DHX32: variants seen among roughly 807,000 people sequenced by gnomAD.
The protein encoded by DHX32 is putative pre-mRNA-splicing factor ATP-dependent RNA helicase DHX32.
A neutral mutation model predicts 70.0 loss-of-function variants in DHX32; 51 were observed. That is an observed-to-expected ratio of 0.73 (90% CI 0.58 to 0.92). The LOEUF (loss-of-function observed/expected upper bound fraction) is 0.92. Ranked by LOEUF, DHX32 falls within the 40% of genes least tolerant of loss-of-function variation. The pLI, the probability that DHX32 is intolerant of heterozygous loss-of-function variation, is 0.00. For missense variants in DHX32, 762 were observed against 891.8 expected, an observed-to-expected ratio of 0.85 and a Z score of 1.85; for synonymous variants, 310 against 315.3, an observed-to-expected ratio of 0.98 and a Z score of 0.18.
At chr10:125,839,490 C>CCCGTGG (rs1241265438) in intron 8 of DHX32, among the ~76,000 whole-genome samples, 1 of 152,222 alleles carries the variant, frequency 6.6e-6, no homozygotes, top group Admixed American at 6.5e-5. Flanking sequence ...ATTTCACTAA[C>CCCGTGG]CCGTGGCTCA....
At chr10:125,847,267 A>T (rs1054482786) in intron 6 of DHX32, among the ~76,000 whole-genome samples, 3 of 152,340 alleles carry the variant, frequency 2.0e-5, no homozygotes, top group African/African-American at 7.2e-5. Flanking sequence ...AGATACAGGG[A>T]TGAGAAACTA....
chr10:125,893,824 G>T (rs1712727843), intron 1 of DHX32, among the ~76,000 whole-genome samples: 2 of 152,208 alleles, frequency 1.3e-5, no homozygotes, highest in Non-Finnish European at 2.9e-5. Flanking sequence ...CCACAGTAAG[G>T]CTAGAAGACA....
At chr10:125,862,801 G>A (rs1944198094) in intron 2 of DHX32, among the ~76,000 whole-genome samples, 1 of 151,924 alleles carries the variant, frequency 6.6e-6, no homozygotes, top group Admixed American at 6.6e-5. Flanking sequence ...ATTACAGTGA[G>A]CTATGATCCC....
intron 6 of DHX32, chr10:125,842,205 G>T: frequency 2.6e-6 from 1 of 383,118 alleles, no homozygotes; most frequent in Non-Finnish European, 4.6e-6. Flanking sequence ...GAGCCTGCCA[G>T]CCTCCCTGCA....
chr10:125,860,978 T>A (rs2134055047), intron 2 of DHX32, among the ~76,000 whole-genome samples: 1 of 151,884 alleles, frequency 6.6e-6, no homozygotes, highest in South Asian at 2.1e-4. Flanking sequence ...GGTCTCGATC[T>A]CCTGACCTTG....
chr10:125,874,904 C>T (rs1023496031), intron 1 of DHX32, among the ~76,000 whole-genome samples: 1 of 152,064 alleles, frequency 6.6e-6, no homozygotes, highest in Non-Finnish European at 1.5e-5. Context: ...CATTTATTTC[C>T]TTGTTGTGTC....
chr10:125,839,241 A>G, intron 8 of DHX32, 53 bp from the exon 9 acceptor site: 1 of 1,581,450 alleles, frequency 6.3e-7, no homozygotes, highest in Non-Finnish European at 8.6e-7. Context: ...AGAAGCTCTG[A>G]AGAGCCCAGG....
At chr10:125,841,101 C>T (rs1379029586) in intron 7 of DHX32, 105 bp from the exon 8 acceptor site, 79 of 1,406,472 alleles carry the variant, frequency 5.6e-5, no homozygotes, top group Non-Finnish European at 7.3e-5. Flanking sequence ...TGGCTCCTGT[C>T]TTGGTACTCT....
At chr10:125,862,906 T>C (rs894816102) in intron 2 of DHX32, among the ~76,000 whole-genome samples, 12 of 151,964 alleles carry the variant, frequency 7.9e-5, no homozygotes, top group Non-Finnish European at 1.8e-4. Context: ...CACAAAGATA[T>C]GTTTCTGAAC....
At chr10:125,857,212 A>G (rs1345446090) in intron 3 of DHX32, among the ~76,000 whole-genome samples, 1 of 152,220 alleles carries the variant, frequency 6.6e-6, no homozygotes. Flanking sequence ...AAAATAGTAA[A>G]AAAGAAAAGT....
intron 1 of DHX32, among the ~76,000 whole-genome samples, chr10:125,867,735 CA>C (rs1255031059): frequency 0.033 from 1,836 of 56,460 alleles, 22 homozygotes; most frequent in African/African-American, 0.086. Flanking sequence ...GACTCCGTCT[CA>C]AAAAAAAAAA....
intron 1 of DHX32, among the ~76,000 whole-genome samples, chr10:125,876,708 T>C (rs7072359): frequency 0.3 from 46,174 of 152,040 alleles, 7,244 homozygotes; most frequent in East Asian, 0.41. Context: ...TCTTCAAAAA[T>C]GTCAAAGTCA....
At chr10:125,836,912 C>A in intron 10 of DHX32, 57 bp from the exon 11 acceptor site, 2 of 1,500,214 alleles carry the variant, frequency 1.3e-6, no homozygotes, top group South Asian at 1.2e-5. Flanking sequence ...TGAGAGACAC[C>A]AAACATTATG....
At chr10:125,839,247 C>T (rs1221162209) in intron 8 of DHX32, 59 bp from the exon 9 acceptor site, 6 of 1,551,428 alleles carry the variant, frequency 3.9e-6, no homozygotes, top group Non-Finnish European at 5.3e-6. Flanking sequence ...TCTGAAGAGC[C>T]CAGGCCAGGC....
chr10:125,872,063 T>C (rs971937956), intron 1 of DHX32, among the ~76,000 whole-genome samples: 27 of 152,162 alleles, frequency 1.8e-4, no homozygotes, highest in Admixed American at 3.3e-4. Flanking sequence ...GGTTTCTCCA[T>C]GCTGGTCAGG....
chr10:125,848,939 CA>C (rs1209372577), intron 6 of DHX32, among the ~76,000 whole-genome samples: 1 of 152,146 alleles, frequency 6.6e-6, no homozygotes, highest in Non-Finnish European at 1.5e-5. Flanking sequence ...AATAATACCC[CA>C]CTAGCAAATG....
chr10:125,881,817 T>C (rs1242493192), upstream of DHX32, among the ~76,000 whole-genome samples: 1 of 152,154 alleles, frequency 6.6e-6, no homozygotes, highest in East Asian at 1.9e-4. Flanking sequence ...AATTTCTGTA[T>C]TTTTTTGTAG....
intron 6 of DHX32, among the ~76,000 whole-genome samples, chr10:125,843,622 A>C (rs1854939858): frequency 6.6e-6 from 1 of 152,088 alleles, no homozygotes; most frequent in African/African-American, 2.4e-5. Context: ...AAAAAAAAAA[A>C]AACCTACTCA....
chr10:125,889,238 A>C (rs915251929), intron 1 of DHX32, among the ~76,000 whole-genome samples: 1 of 152,206 alleles, frequency 6.6e-6, no homozygotes, highest in Non-Finnish European at 1.5e-5. Context: ...GACTTCCTAA[A>C]GCCAAGATTA....
Sources: gnomAD v4.1 joint callset for allele counts (sites outside exome capture counted in the v4.1 genomes callset) on GRCh38, gnomAD v4.1.1 for gene constraint, MANE v1.5 for transcripts, NCBI Gene and HGNC (gene_info 2026-07-23, HGNC 2026-07-21) for gene names.